Variants in ROBO2 observed in about 807,000 individuals in gnomAD.
ROBO2 encodes roundabout homolog 2.
Under a neutral mutation model 160.8 loss-of-function variants are expected in ROBO2, and 53 were observed. The observed-to-expected ratio is 0.33, with a 90% CI of 0.26 to 0.41. ROBO2 has a LOEUF of 0.41. Ranked by LOEUF, ROBO2 falls within the 10% of genes least tolerant of loss-of-function variation. The probability of loss-of-function intolerance (pLI) is 1.00; values close to 1 mark genes in which losing one functional copy is unlikely to be tolerated. For synonymous variants in ROBO2, 664 were observed against 611.7 expected, an observed-to-expected ratio of 1.09 and a Z score of -1.26; for missense variants, 1,577 against 1,722.4, an observed-to-expected ratio of 0.92 and a Z score of 1.49.
intron 2 of ROBO2, among the ~76,000 whole-genome samples, chr3:77,248,776 T>C (rs2090026526): frequency 4.6e-5 from 3 of 64,946 alleles, no homozygotes; most frequent in Non-Finnish European, 1.1e-4. Flanking sequence ...CATCACTTGC[T>C]CTTTTTTTTT....
intron 2 of ROBO2, among the ~76,000 whole-genome samples, chr3:77,104,585 G>A (rs2072526095): frequency 1.3e-5 from 2 of 152,038 alleles, no homozygotes; most frequent in Admixed American, 1.3e-4. Context: ...ATTCTCATAA[G>A]TTTATGCCTA....
chr3:76,114,522 A>G (rs1222538520), intron 2 of ROBO2, among the ~76,000 whole-genome samples: 1 of 152,174 alleles, frequency 6.6e-6, no homozygotes, highest in Non-Finnish European at 1.5e-5. Context: ...ATTTATTTAT[A>G]TGCCTTATTT....
intron 2 of ROBO2, among the ~76,000 whole-genome samples, chr3:76,728,763 C>A (rs1026900237): frequency 1.3e-5 from 2 of 152,114 alleles, no homozygotes; most frequent in African/African-American, 2.4e-5. Flanking sequence ...AATGGTAATT[C>A]GACAGTAAAA....
At chr3:75,938,401 T>C (rs762066271) in intron 2 of ROBO2, among the ~76,000 whole-genome samples, 4 of 152,040 alleles carry the variant, frequency 2.6e-5, no homozygotes, top group Non-Finnish European at 5.9e-5. Flanking sequence ...CAGATACAAA[T>C]TGCATTTCCG....
intron 2 of ROBO2, among the ~76,000 whole-genome samples, chr3:77,274,319 T>G (rs2059688458): frequency 6.6e-6 from 1 of 152,154 alleles, no homozygotes; most frequent in South Asian, 2.1e-4. Flanking sequence ...TTCTTCCAGT[T>G]TTACTCTTTT....
At chr3:77,231,300 C>G (rs2087157366) in intron 2 of ROBO2, among the ~76,000 whole-genome samples, 1 of 139,572 alleles carries the variant, frequency 7.2e-6, no homozygotes, top group African/African-American at 2.7e-5. Context: ...GAGGAAGAGG[C>G]TGCAGTGAGC....
chr3:76,352,650 C>T (rs371165952), intron 2 of ROBO2, among the ~76,000 whole-genome samples: 1 of 151,932 alleles, frequency 6.6e-6, no homozygotes, highest in Non-Finnish European at 1.5e-5. Context: ...TTGGGTGTTA[C>T]TCTTGTGTTC....
intron 2 of ROBO2, among the ~76,000 whole-genome samples, chr3:76,096,948 C>G (rs936731429): frequency 5.3e-5 from 8 of 152,270 alleles, no homozygotes; most frequent in African/African-American, 1.9e-4. Flanking sequence ...ACAAAACTCT[C>G]TGTCTTTGCT....
intron 2 of ROBO2, among the ~76,000 whole-genome samples, chr3:77,137,506 G>A (rs933841248): frequency 2.0e-5 from 3 of 152,362 alleles, no homozygotes; most frequent in South Asian, 2.1e-4. Flanking sequence ...GATTACAGGC[G>A]TGAGCCAGGG....
At chr3:77,636,670 A>C (rs950876170) in intron 24 of ROBO2, among the ~76,000 whole-genome samples, 1 of 152,188 alleles carries the variant, frequency 6.6e-6, no homozygotes, top group Admixed American at 6.5e-5. Flanking sequence ...CATCATTCAC[A>C]AAATGGGCAG....
At position 76,290,404 on chromosome 3, in the gene ROBO2, C is replaced by T. The variant is rs111999836; in HGVS notation, c.109+352802C>T. On this transcript the variant is annotated intron_variant, in intron 2 of 26. Transcript: ENST00000487694. Reference sequence around the variant, plus strand: ...ATGCTGCTGAAGTTGTTTATCAGATCTATGAGCTTTTGGGCAGAGACTATG... The same window carrying T: ...ATGCTGCTGAAGTTGTTTATCAGATTTATGAGCTTTTGGGCAGAGACTATG... Among the ~76,000 whole-genome samples, 45 of 152,190 alleles carry T rather than the reference C, an allele frequency of 3.0e-4. 1 individual carries two copies. Among genetic ancestry groups the T allele is most frequent in the African/African-American group, 7.9e-4 (33 of 41,528 alleles).
chr3:76,499,186 T>C (rs565152550), intron 2 of ROBO2, among the ~76,000 whole-genome samples: 165 of 152,296 alleles, frequency 1.1e-3, no homozygotes, highest in African/African-American at 3.9e-3. Flanking sequence ...TTTGGAAGAT[T>C]ACACCTGCCA....
chr3:76,172,382 T>C (rs1176100463), intron 2 of ROBO2, among the ~76,000 whole-genome samples: 1 of 148,454 alleles, frequency 6.7e-6, no homozygotes, highest in Non-Finnish European at 1.5e-5. Context: ...TGTATACATA[T>C]GTAACAAACC....
At chr3:76,958,724 G>T (rs1042962729) in intron 2 of ROBO2, among the ~76,000 whole-genome samples, 1 of 152,172 alleles carries the variant, frequency 6.6e-6, no homozygotes, top group African/African-American at 2.4e-5. Context: ...ACAGTGGTCA[G>T]GTTTTGTCCA....
intron 2 of ROBO2, among the ~76,000 whole-genome samples, chr3:77,184,959 T>C (rs1429388701): frequency 6.6e-6 from 1 of 152,074 alleles, no homozygotes; most frequent in Non-Finnish European, 1.5e-5. Context: ...ACAGAACTTC[T>C]TGATGAATTC....
chr3:76,371,654 C>G (rs1408294443), intron 2 of ROBO2, among the ~76,000 whole-genome samples: 2 of 151,942 alleles, frequency 1.3e-5, no homozygotes, highest in Non-Finnish European at 2.9e-5. Context: ...TTGATATTTT[C>G]AAACTGTGAC....
chr3:76,699,892 A>T (rs909932117), intron 2 of ROBO2, among the ~76,000 whole-genome samples: 5 of 152,120 alleles, frequency 3.3e-5, no homozygotes, highest in African/African-American at 1.2e-4. Flanking sequence ...TCTCTGTAAC[A>T]CTATGGATAT....
chr3:77,240,519 G>A (rs141924684), intron 2 of ROBO2, among the ~76,000 whole-genome samples: 156 of 152,280 alleles, frequency 1.0e-3, no homozygotes, highest in African/African-American at 3.5e-3. Context: ...GGCCAGCCCA[G>A]AGAGGGGCTC....
intron 23 of ROBO2, among the ~76,000 whole-genome samples, chr3:77,624,226 C>CT (rs200546912): frequency 4.0e-5 from 6 of 150,608 alleles, no homozygotes; most frequent in South Asian, 2.1e-4. Context: ...TACAAACTCA[C>CT]TTTTTTTTTC....
Sources: allele counts gnomAD v4.1 joint callset (sites outside exome capture counted in the v4.1 genomes callset), GRCh38; gene constraint gnomAD v4.1.1; transcripts MANE v1.5; gene names NCBI Gene and HGNC (gene_info 2026-07-23, HGNC 2026-07-21).